SPTLC1: variants seen among roughly 807,000 people sequenced by gnomAD.
SPTLC1 encodes the protein serine palmitoyltransferase long chain base subunit 1, also known as serine palmitoyltransferase 1.
In SPTLC1, 55 loss-of-function variants were observed where a neutral mutation model predicts 68.9. That is an observed-to-expected ratio of 0.80 (90% CI 0.64 to 1.00). The LOEUF is 1.00. Ranked by LOEUF, SPTLC1 falls within the 50% of genes least tolerant of loss-of-function variation. SPTLC1 has a pLI of 0.00. For synonymous variants in SPTLC1, 197 were observed against 201.6 expected (o/e 0.98, Z 0.19); for missense variants, 449 against 573.1 (o/e 0.78, Z 2.21).
At chr9:92,092,730 T>C (rs1835408175) in intron 3 of SPTLC1, among the ~76,000 whole-genome samples, 1 of 151,982 alleles carries the variant, frequency 6.6e-6, no homozygotes, top group South Asian at 2.1e-4. Flanking sequence ...CAAGACTCCA[T>C]CCTCCCTCCC....
At chr9:92,096,412 A>T (rs986267925) in intron 3 of SPTLC1, among the ~76,000 whole-genome samples, 1 of 152,276 alleles carries the variant, frequency 6.6e-6, no homozygotes, top group East Asian at 1.9e-4. Flanking sequence ...AAATCATCTT[A>T]TTATACATCT....
At chr9:92,034,762 G>A (rs1175360733) in intron 14 of SPTLC1, 48 bp downstream of exon 14, 1 of 1,501,262 alleles carries the variant, frequency 6.7e-7, no homozygotes, top group Non-Finnish European at 9.3e-7. Flanking sequence ...ATTTCATAGA[G>A]CTCAGAGTAG....
intron 2 of SPTLC1, 146 bp from the exon 3 acceptor site, chr9:92,108,980 A>G (rs1184081141): frequency 2.4e-6 from 3 of 1,249,360 alleles, no homozygotes; most frequent in Non-Finnish European, 3.3e-6. Context: ...ATGTCTTCAC[A>G]CTATTAGTAC....
intron 1 of SPTLC1, among the ~76,000 whole-genome samples, chr9:92,113,767 G>A (rs1259935047): frequency 6.6e-6 from 1 of 152,192 alleles, no homozygotes; most frequent in Non-Finnish European, 1.5e-5. Context: ...TGCAATGGAA[G>A]ACACTGTCAT....
chr9:92,099,202 G>GT (rs1486577229), intron 3 of SPTLC1, among the ~76,000 whole-genome samples: 2 of 152,240 alleles, frequency 1.3e-5, no homozygotes, highest in Non-Finnish European at 2.9e-5. Context: ...CTGGGGTCCT[G>GT]TTAGGGGCAC....
At chr9:92,089,150 C>T (rs1015606237) in intron 3 of SPTLC1, among the ~76,000 whole-genome samples, 2 of 152,126 alleles carry the variant, frequency 1.3e-5, no homozygotes, top group Non-Finnish European at 2.9e-5. Flanking sequence ...GTGGCTCACA[C>T]CTGTAATCCC....
At chr9:92,050,477 AG>A in intron 8 of SPTLC1, 1 of 238,656 alleles carries the variant, frequency 4.2e-6, no homozygotes, top group East Asian at 1.0e-4. Flanking sequence ...TATTACTCCT[AG>A]TGCTGTGATG....
chr9:92,034,785 A>G (rs1564079054), intron 14 of SPTLC1, 25 bp downstream of exon 14: 2 of 1,598,606 alleles, frequency 1.3e-6, no homozygotes, highest in Non-Finnish European at 1.7e-6. Flanking sequence ...GAAAAAAATA[A>G]GGTCATATTT....
chr9:92,049,751 C>T (rs889457806), intron 9 of SPTLC1, among the ~76,000 whole-genome samples: 1 of 152,138 alleles, frequency 6.6e-6, no homozygotes, highest in Non-Finnish European at 1.5e-5. Flanking sequence ...CTACCCACTC[C>T]GAGTTTATAA....
At chr9:92,105,848 C>A (rs1219178261) in intron 3 of SPTLC1, among the ~76,000 whole-genome samples, 2 of 151,588 alleles carry the variant, frequency 1.3e-5, no homozygotes, top group African/African-American at 4.9e-5. Context: ...GGCCTCCTCA[C>A]CGTCTGGGAA....
intron 5 of SPTLC1, chr9:92,079,078 A>T (rs1219518073): frequency 5.9e-6 from 5 of 854,512 alleles, no homozygotes; most frequent in Non-Finnish European, 7.0e-6. Context: ...AAACAATTTT[A>T]TTTATTTATT....
chr9:92,106,944 C>A (rs909267553), intron 3 of SPTLC1, among the ~76,000 whole-genome samples: 1 of 152,100 alleles, frequency 6.6e-6, no homozygotes, highest in African/African-American at 2.4e-5. Context: ...AGCAACTTTA[C>A]TATAGAAAAC....
chr9:92,033,032 G>C (rs796700522), intron 14 of SPTLC1, among the ~76,000 whole-genome samples: 1 of 152,200 alleles, frequency 6.6e-6, no homozygotes, highest in African/African-American at 2.4e-5. Flanking sequence ...CAATAGGCCT[G>C]TCTATTCATG....
At chr9:92,035,111 C>T (rs1308296421) in intron 13 of SPTLC1, among the ~76,000 whole-genome samples, 1 of 152,248 alleles carries the variant, frequency 6.6e-6, no homozygotes, top group Admixed American at 6.5e-5. Context: ...GCCATGAGCC[C>T]TGTGTGCCTG....
Position 92,059,158 on chromosome 9 carries a change from T to C in SPTLC1, c.690+21A>G, listed in dbSNP as rs113767396. ...TAGAAAGTACAAAAGAACTGTATAATTTTCTTCAAAAGAATCATACCTTTT... is the reference window on the plus strand; with the variant it reads ...TAGAAAGTACAAAAGAACTGTATAACTTTCTTCAAAAGAATCATACCTTTT... On this transcript the variant is annotated intron_variant, in intron 7 of 14. Coordinates refer to ENST00000262554, the MANE Select transcript of SPTLC1 (RefSeq NM_006415.4). The C allele has an allele frequency of 3.0e-5, 48 of 1,611,886 alleles. 1 individual carries two copies. The African/African-American group carries it at 3.6e-4, about 12-fold the overall frequency.
At chr9:92,044,755 T>C (rs1048592437) in intron 12 of SPTLC1, among the ~76,000 whole-genome samples, 1 of 152,132 alleles carries the variant, frequency 6.6e-6, no homozygotes, top group African/African-American at 2.4e-5. Flanking sequence ...GAGGGAAGAC[T>C]GGTTCAGATA....
At chr9:92,104,273 G>A (rs539453799) in intron 3 of SPTLC1, among the ~76,000 whole-genome samples, 2 of 152,336 alleles carry the variant, frequency 1.3e-5, no homozygotes, top group South Asian at 2.1e-4. Flanking sequence ...CAACCTGCTC[G>A]TCTTGTCCGT....
chr9:92,072,529 CTT>C (rs1834532826), intron 5 of SPTLC1, among the ~76,000 whole-genome samples: 1 of 152,106 alleles, frequency 6.6e-6, no homozygotes, highest in East Asian at 1.9e-4. Context: ...TTCCTTGTCT[CTT>C]TCTTTCCCCT....
chr9:92,086,709 C>A (rs1835149010), intron 3 of SPTLC1, among the ~76,000 whole-genome samples: 1 of 151,554 alleles, frequency 6.6e-6, no homozygotes, highest in Non-Finnish European at 1.5e-5. Context: ...GTGAATCTGA[C>A]AATTATGTGT....
Sources: gnomAD v4.1 joint callset for allele counts (sites outside exome capture counted in the v4.1 genomes callset) on GRCh38, gnomAD v4.1.1 for gene constraint, MANE v1.5 for transcripts, NCBI Gene and HGNC (gene_info 2026-07-23, HGNC 2026-07-21) for gene names.